DOCK10: variants seen among roughly 807,000 people sequenced by gnomAD.
DOCK10 encodes the protein dedicator of cytokinesis 10, also known as dedicator of cytokinesis protein 10.
Under a neutral mutation model 280.1 loss-of-function variants are expected in DOCK10, and 145 were observed. That is an observed-to-expected ratio of 0.52 (90% CI 0.45 to 0.59). DOCK10 has a LOEUF of 0.59. Ranked by LOEUF, DOCK10 falls within the 20% of genes least tolerant of loss-of-function variation. The probability of loss-of-function intolerance (pLI) is 0.00; values close to 1 mark genes in which losing one functional copy is unlikely to be tolerated. For missense variants in DOCK10, 2,368 were observed against 2,651.7 expected (o/e 0.89, Z 2.35); for synonymous variants, 915 against 942.2 (o/e 0.97, Z 0.53).
chr2:224,861,170 A>G (rs1037181060), intron 14 of DOCK10: 2 of 152,228 alleles, frequency 1.3e-5, no homozygotes, highest in African/African-American at 4.8e-5. Context: ...AGGGTTCTGC[A>G]AATCTAAATA....
intron 1 of DOCK10, among the ~76,000 whole-genome samples, chr2:224,974,139 G>GT (rs1308051860): frequency 1.3e-5 from 2 of 152,158 alleles, no homozygotes; most frequent in Admixed American, 6.5e-5. Flanking sequence ...CCACCAAACT[G>GT]TAAGTGCAGG....
At chr2:225,005,668 T>G (rs1044176935) in intron 1 of DOCK10, among the ~76,000 whole-genome samples, 5 of 152,340 alleles carry the variant, frequency 3.3e-5, no homozygotes, top group Non-Finnish European at 7.3e-5. Context: ...TGCCATTCAG[T>G]TTTAGTTCAA....
chr2:224,908,568 A>C (rs1700816732), intron 3 of DOCK10, among the ~76,000 whole-genome samples: 1 of 152,148 alleles, frequency 6.6e-6, no homozygotes. Context: ...CGCATGGCTC[A>C]GTCATGCAGT....
rs187480091 is a variant in DOCK10 at position 224,863,251 on chromosome 2, A to G, written c.1603-505T>C. 4.3e-3 allele frequency among the ~76,000 whole-genome samples: 662 copies of G among 152,306 alleles called. 3 individuals are homozygous for G. The highest frequency in any genetic ancestry group is 0.015 in the African/African-American group (612 of 41,554). Reference sequence around the variant, plus strand: ...CATAAATGAATGTGACTGTGTTTCAATAAAACTTTATTTATCAAAACAGAA... The same window carrying G: ...CATAAATGAATGTGACTGTGTTTCAGTAAAACTTTATTTATCAAAACAGAA... On this transcript the variant is annotated intron_variant, in intron 13 of 55. Coordinates refer to ENST00000258390, the MANE Select transcript of DOCK10 (RefSeq NM_014689.3).
intron 1 of DOCK10, among the ~76,000 whole-genome samples, chr2:224,951,202 T>C (rs1043477070): frequency 6.6e-6 from 1 of 152,240 alleles, no homozygotes; most frequent in Non-Finnish European, 1.5e-5. Flanking sequence ...ATAGGGTTGC[T>C]GTGAAACAAT....
chr2:224,784,751 A>G (rs1691617341), intron 50 of DOCK10: 5 of 1,289,862 alleles, frequency 3.9e-6, no homozygotes, highest in Non-Finnish European at 5.1e-6. Flanking sequence ...GCCTGGAACA[A>G]TCAAGACCAA....
chr2:224,807,452 G>C (rs1368603182), intron 33 of DOCK10: 1 of 413,388 alleles, frequency 2.4e-6, no homozygotes, highest in African/African-American at 2.0e-5. Flanking sequence ...AGAGAACAGA[G>C]AGAAATGAAA....
At chr2:224,948,428 A>C (rs1703547607) in intron 1 of DOCK10, among the ~76,000 whole-genome samples, 1 of 152,242 alleles carries the variant, frequency 6.6e-6, no homozygotes, top group Non-Finnish European at 1.5e-5. Context: ...GATATTTAGA[A>C]ATTCCACCAT....
intron 50 of DOCK10, among the ~76,000 whole-genome samples, chr2:224,785,015 G>C (rs1691636860): frequency 6.6e-6 from 1 of 152,110 alleles, no homozygotes; most frequent in Admixed American, 6.5e-5. Context: ...CAGTTAGCCT[G>C]TGGCCATCTC....
intron 1 of DOCK10, among the ~76,000 whole-genome samples, chr2:224,986,823 GC>G (rs1475996822): frequency 6.6e-6 from 1 of 152,106 alleles, no homozygotes; most frequent in Non-Finnish European, 1.5e-5. Flanking sequence ...TGCTAGAGCA[GC>G]CCTAGTACCC....
At position 224,805,174 on chromosome 2, in the gene DOCK10, T is replaced by A; in HGVS notation, c.4051+32A>T. On this transcript the variant is annotated intron_variant, in intron 36 of 55. Transcript: ENST00000258390. The surrounding 1 kb of genome is among the most constrained non-coding windows in gnomAD (Gnocchi z 4.3). ...GAGAATCTGAAGGTTTTCTTTTTCC[T>A]TTTTTCAAAAAAATTAAAGAATTCT... 6.3e-7 allele frequency: 1 copy of A among 1,599,834 alleles called. No homozygotes were observed. Among genetic ancestry groups the A allele is most frequent in the Non-Finnish European group, 8.5e-7 (1 of 1,175,578 alleles).
In DOCK10 at chr2:224,987,560, G is replaced by A. The variant is rs536487216; in HGVS notation, c.123+54692C>T. On this transcript the variant is annotated intron_variant, in intron 1 of 55. Transcript: ENST00000258390. ...TCACTATTTTGGCTTTGGCCAGTGG[G>A]GATGGGGTGTATATCTAGTTGGCCT... Among the ~76,000 whole-genome samples the A allele has an allele frequency of 1.9e-4, 29 of 152,280 alleles. No individual in the cohort carries two copies. The South Asian group carries it at 6.0e-3, about 32-fold the overall frequency.
At chr2:224,909,762 G>A (rs1700895456) in intron 3 of DOCK10, among the ~76,000 whole-genome samples, 1 of 152,208 alleles carries the variant, frequency 6.6e-6, no homozygotes, top group Non-Finnish European at 1.5e-5. Flanking sequence ...CAATGTATAA[G>A]CAACTGTGTA....
intron 46 of DOCK10, 35 bp from the exon 47 acceptor site, chr2:224,793,107 A>C: frequency 7.0e-7 from 1 of 1,436,846 alleles, no homozygotes; most frequent in African/African-American, 1.4e-5. Flanking sequence ...GGACATTGCT[A>C]CATGTTTATG....
At position 224,830,893 on chromosome 2, in the gene DOCK10, C is replaced by A. The variant is rs1004163553; in HGVS notation, c.2965-281G>T. On this transcript the variant is annotated intron_variant, in intron 26 of 55. Coordinates refer to ENST00000258390, the MANE Select transcript of DOCK10 (RefSeq NM_014689.3). Reference sequence around the variant, plus strand: ...TATTCAAGGGATGTTCTAGTTGTTTCACCTAGTTAAACAAAACTAAACAAA... The same window carrying A: ...TATTCAAGGGATGTTCTAGTTGTTTAACCTAGTTAAACAAAACTAAACAAA... Among the ~76,000 whole-genome samples, 56 of 138,306 alleles carry A rather than the reference C, an allele frequency of 4.0e-4. 1 individual carries two copies. Among genetic ancestry groups the A allele is most frequent in the African/African-American group, 1.3e-3 (49 of 36,316 alleles). The allele number at this position is 138,306 out of a possible 152,430, so 90.7% of individuals were successfully genotyped here.
At chr2:225,001,979 G>C (rs1323590988) in intron 1 of DOCK10, among the ~76,000 whole-genome samples, 1 of 152,206 alleles carries the variant, frequency 6.6e-6, no homozygotes, top group Admixed American at 6.5e-5. Context: ...TGTGAATCTG[G>C]GGGGAGATGG....
rs1695990935 is a variant in DOCK10 at position 224,841,914 on chromosome 2, A to C, written c.2569-18T>G. 1 of 1,569,858 alleles carries C rather than the reference A, an allele frequency of 6.4e-7. No individual in the cohort carries two copies. The highest frequency in any genetic ancestry group is 8.8e-7 in the Non-Finnish European group (1 of 1,139,996). On this transcript the variant is annotated intron_variant, in intron 22 of 55. Transcript: ENST00000258390. Reference sequence around the variant, plus strand: ...TGTGGATCCTACAACAGCAAAAAAAAAGTATTTATTTCTGATGACACGTAA... The same window carrying C: ...TGTGGATCCTACAACAGCAAAAAAACAGTATTTATTTCTGATGACACGTAA...
At chr2:224,837,885 C>CT in intron 24 of DOCK10, 54 bp from the exon 25 acceptor site, 1 of 1,386,022 alleles carries the variant, frequency 7.2e-7, no homozygotes, top group South Asian at 1.2e-5. Flanking sequence ...AAAAACCCCG[C>CT]TTTAGTTTGT....
chr2:224,793,824 AT>A (rs1692372016), intron 45 of DOCK10, among the ~76,000 whole-genome samples: 1 of 152,154 alleles, frequency 6.6e-6, no homozygotes, highest in Admixed American at 6.5e-5. Context: ...GGAAATAAAA[AT>A]ATCTGCCTTC....
Sources: gnomAD v4.1 joint callset for allele counts (sites outside exome capture counted in the v4.1 genomes callset) on GRCh38, gnomAD v4.1.1 for gene constraint, Gnocchi (gnomAD v3.1) non-coding constraint, MANE v1.5 for transcripts, NCBI Gene and HGNC (gene_info 2026-07-23, HGNC 2026-07-21) for gene names.